The following ARHGAP24 variants were observed in gnomAD, a reference collection of about 807,000 sequenced individuals.
The protein encoded by ARHGAP24 is Rho GTPase activating protein 24.
In ARHGAP24, 50 loss-of-function variants were observed where a neutral mutation model predicts 76.4. The observed-to-expected ratio is 0.65, with a 90% CI of 0.52 to 0.83. ARHGAP24 has a LOEUF of 0.83. ARHGAP24 is among the 40% of genes least tolerant of loss of function. The pLI, the probability that ARHGAP24 is intolerant of heterozygous loss-of-function variation, is 0.00. For synonymous variants in ARHGAP24, 345 were observed against 323.3 expected, an observed-to-expected ratio of 1.07 and a Z score of -0.72; for missense variants, 930 against 914.2, an observed-to-expected ratio of 1.02 and a Z score of -0.22.
At chr4:85,780,621 A>AT (rs1265208384) in intron 3 of ARHGAP24, among the ~76,000 whole-genome samples, 1 of 152,084 alleles carries the variant, frequency 6.6e-6, no homozygotes, top group Non-Finnish European at 1.5e-5. Flanking sequence ...CTTCATGATT[A>AT]TTTTGTGCTG....
chr4:85,983,397 A>G (rs185974914), intron 8 of ARHGAP24, among the ~76,000 whole-genome samples: 3 of 151,798 alleles, frequency 2.0e-5, no homozygotes, highest in East Asian at 1.9e-4. Flanking sequence ...CACCAATAGC[A>G]TAAAAGTGTT....
chr4:85,912,461 A>T (rs1429737076), intron 3 of ARHGAP24, among the ~76,000 whole-genome samples: 3 of 152,216 alleles, frequency 2.0e-5, no homozygotes, highest in Non-Finnish European at 2.9e-5. Flanking sequence ...AGATAAAAAA[A>T]ATTTAAACCC....
chr4:85,616,717 T>G (rs533859993), intron 2 of ARHGAP24, among the ~76,000 whole-genome samples: 1 of 152,286 alleles, frequency 6.6e-6, no homozygotes, highest in Admixed American at 6.5e-5. Context: ...AACCTGCACT[T>G]CCCAGATACA....
In ARHGAP24 at chr4:85,575,193, C is replaced by G. The variant is rs1727322057; in HGVS notation, c.180+4472C>G. Among the ~76,000 whole-genome samples, 3 of 152,198 alleles carry G rather than the reference C, an allele frequency of 2.0e-5. No homozygotes were observed. The South Asian group carries it at 6.2e-4, about 32-fold the overall frequency. ...GAAAACCGTCTCCAGAATCCATTGT[C>G]TACAAGTATTTGCACTTATACAGAT... On this transcript the variant is annotated intron_variant, in intron 2 of 9. Transcript: ENST00000395184.
At position 85,772,843 on chromosome 4, in the gene ARHGAP24, C is replaced by A. The variant is rs150089674; in HGVS notation, c.268+50871C>A. 4.9e-3 allele frequency among the ~76,000 whole-genome samples: 742 copies of A among 152,258 alleles called. 6 individuals carry two copies. The highest frequency in any genetic ancestry group is 0.017 in the African/African-American group (705 of 41,556). The stretch of plus-strand genomic sequence containing the variant: ...TGCCAAATTATATTCTAAACAATGT[C>A]TTTGAGTCTAGTCACCCAATGTCCA... On this transcript the variant is annotated intron_variant, in intron 3 of 9. Transcript: ENST00000395184.
chr4:85,925,585 C>G (rs193072650), intron 4 of ARHGAP24, among the ~76,000 whole-genome samples: 7 of 152,272 alleles, frequency 4.6e-5, no homozygotes, highest in Admixed American at 4.6e-4. Flanking sequence ...ACTTTTATTA[C>G]AGTATATATA....
chr4:85,684,795 T>C (rs1723359240), intron 2 of ARHGAP24, among the ~76,000 whole-genome samples: 1 of 152,198 alleles, frequency 6.6e-6, no homozygotes, highest in Non-Finnish European at 1.5e-5. Flanking sequence ...GGCAAATCCT[T>C]AAGATTCTTA....
intron 3 of ARHGAP24, among the ~76,000 whole-genome samples, chr4:85,829,721 A>T (rs1560656503): frequency 6.6e-6 from 1 of 152,228 alleles, no homozygotes; most frequent in Non-Finnish European, 1.5e-5. Flanking sequence ...ATGTACAGGA[A>T]GGCCTTGTGT....
At chr4:85,966,963 A>G (rs1738659136) in intron 5 of ARHGAP24, among the ~76,000 whole-genome samples, 2 of 152,116 alleles carry the variant, frequency 1.3e-5, no homozygotes, top group South Asian at 4.1e-4. Context: ...TGAGGCTTAA[A>G]TGTTCCAAGG....
intron 2 of ARHGAP24, among the ~76,000 whole-genome samples, chr4:85,590,333 T>C (rs1053950484): frequency 6.6e-6 from 1 of 150,688 alleles, no homozygotes; most frequent in Non-Finnish European, 1.5e-5. Flanking sequence ...TCTCCCTTTC[T>C]TCTTTCCTCC....
At chr4:85,748,650 A>G (rs1726141094) in intron 3 of ARHGAP24, among the ~76,000 whole-genome samples, 1 of 152,250 alleles carries the variant, frequency 6.6e-6, no homozygotes, top group Non-Finnish European at 1.5e-5. Flanking sequence ...CAATATATGC[A>G]AACTTTGAAA....
At chr4:85,667,218 C>T (rs1722660099) in intron 2 of ARHGAP24, among the ~76,000 whole-genome samples, 1 of 152,214 alleles carries the variant, frequency 6.6e-6, no homozygotes, top group Admixed American at 6.5e-5. Context: ...TCCCCTCCCC[C>T]AGCATTGCTG....
chr4:85,866,088 A>G (rs573108022), intron 3 of ARHGAP24, among the ~76,000 whole-genome samples: 7 of 152,246 alleles, frequency 4.6e-5, no homozygotes, highest in Non-Finnish European at 8.8e-5. Flanking sequence ...TATAGGCTCT[A>G]TTTAATGGTT....
At chr4:85,726,284 CG>C (rs1257299408) in intron 3 of ARHGAP24, among the ~76,000 whole-genome samples, 1 of 152,018 alleles carries the variant, frequency 6.6e-6, no homozygotes, top group African/African-American at 2.4e-5. Flanking sequence ...GGGGATAAAA[CG>C]TTTTATTTAC....
intron 3 of ARHGAP24, among the ~76,000 whole-genome samples, chr4:85,878,604 A>G (rs1226685370): frequency 1.3e-5 from 2 of 152,170 alleles, no homozygotes; most frequent in Non-Finnish European, 2.9e-5. Context: ...ATTAAATTAT[A>G]TATATATAAT....
At chr4:85,550,213 C>T (rs1316241813) in intron 1 of ARHGAP24, among the ~76,000 whole-genome samples, 2 of 152,110 alleles carry the variant, frequency 1.3e-5, no homozygotes, top group African/African-American at 2.4e-5. Flanking sequence ...AATTTACATA[C>T]CCACCATATG....
At chr4:85,860,077 C>T (rs944902112) in intron 3 of ARHGAP24, among the ~76,000 whole-genome samples, 10 of 152,206 alleles carry the variant, frequency 6.6e-5, no homozygotes, top group South Asian at 2.1e-4. Context: ...CAGATGCTCA[C>T]GTCCAGTGAA....
intron 2 of ARHGAP24, among the ~76,000 whole-genome samples, chr4:85,576,679 T>C (rs1277339401): frequency 6.6e-6 from 1 of 152,218 alleles, no homozygotes; most frequent in Non-Finnish European, 1.5e-5. Flanking sequence ...TGTGTCATCA[T>C]AAATTCTTAG....
chr4:85,733,527 A>G (rs1725496789), intron 3 of ARHGAP24, among the ~76,000 whole-genome samples: 1 of 152,306 alleles, frequency 6.6e-6, no homozygotes, highest in East Asian at 1.9e-4. Context: ...AAGGGGAGTG[A>G]GTAGAAAGAA....
Sources: gnomAD v4.1 joint callset for allele counts (sites outside exome capture counted in the v4.1 genomes callset) on GRCh38, gnomAD v4.1.1 for gene constraint, MANE v1.5 for transcripts, NCBI Gene and HGNC (gene_info 2026-07-23, HGNC 2026-07-21) for gene names.